The following FXYD6 variants were observed in gnomAD, a reference collection of about 807,000 sequenced individuals.
FXYD6 encodes FXYD domain-containing ion transport regulator 6.
Under a neutral mutation model 16.7 loss-of-function variants are expected in FXYD6, and 7 were observed. The observed-to-expected ratio is 0.42, with a 90% CI of 0.24 to 0.79. The LOEUF is 0.79. FXYD6 is among the 30% of genes least tolerant of loss of function. FXYD6 has a pLI of 0.28. For synonymous variants in FXYD6, 49 were observed against 43.0 expected (o/e 1.14, Z -0.54); for missense variants, 111 against 116.2 (o/e 0.95, Z 0.21).
At position 117,872,534 on chromosome 11, in the gene FXYD6, G is replaced by C. The variant is rs1167955912; in HGVS notation, c.-6+4058C>G. ...GAGGGAGTTTGAAACCTTAGCCTCT[G>C]GTCTCTCAGTGTGGGCCTGGCTTTG... On this transcript the variant is annotated intron_variant, in intron 1 of 7. Coordinates refer to ENST00000526014, the MANE Select transcript of FXYD6 (RefSeq NM_022003.4). The surrounding 1 kb of genome is among the most constrained non-coding windows in gnomAD (Gnocchi z 4.9). Among the ~76,000 whole-genome samples, 1 of 152,210 alleles carries C rather than the reference G, an allele frequency of 6.6e-6. No homozygotes were observed. Among genetic ancestry groups the C allele is most frequent in the South Asian group, 2.1e-4 (1 of 4,838 alleles).
At chr11:117,844,553 G>T (rs1459489926) in intron 1 of FXYD6, among the ~76,000 whole-genome samples, 1 of 152,042 alleles carries the variant, frequency 6.6e-6, no homozygotes, top group Non-Finnish European at 1.5e-5. Flanking sequence ...AGAATGCAAT[G>T]GTGCGATCTC....
rs111600899 is a variant in FXYD6 at position 117,872,686 on chromosome 11, G to C, written c.-6+3906C>G. ...CATGGCCCCAGCCTGGTCCGTGGGG[G>C]CCCAGCCCCTTTCCCAGGCTGTGTG... is the stretch of plus-strand genomic sequence containing the variant. On this transcript the variant is annotated intron_variant, in intron 1 of 7. Transcript: ENST00000526014. The surrounding 1 kb of genome is among the most constrained non-coding windows in gnomAD (Gnocchi z 4.9). Among the ~76,000 whole-genome samples the C allele has an allele frequency of 4.7e-3, 714 of 152,296 alleles. 7 individuals are homozygous for C. Among genetic ancestry groups the C allele is most frequent in the African/African-American group, 0.017 (687 of 41,568 alleles).
chr11:117,857,565 T>C (rs367558922), intron 1 of FXYD6, among the ~76,000 whole-genome samples: 19 of 152,150 alleles, frequency 1.2e-4, no homozygotes, highest in East Asian at 1.2e-3. Flanking sequence ...CGCGCCACCA[T>C]GCCCAGCTAA....
chr11:117,839,029 T>C (rs564515250), intron 7 of FXYD6: 2 of 153,284 alleles, frequency 1.3e-5, no homozygotes, highest in South Asian at 4.1e-4. Context: ...TTCCAGGGCA[T>C]GTCATAAAGC....
At chr11:117,858,031 T>C (rs546198706) in intron 1 of FXYD6, among the ~76,000 whole-genome samples, 147 of 152,314 alleles carry the variant, frequency 9.7e-4, no homozygotes, top group African/African-American at 3.3e-3. Context: ...AGCCTCATAA[T>C]GCTTTCAGAC....
intron 1 of FXYD6, among the ~76,000 whole-genome samples, chr11:117,852,555 A>G (rs1310001432): frequency 6.6e-6 from 1 of 151,640 alleles, no homozygotes; most frequent in African/African-American, 2.4e-5. Flanking sequence ...GCCTCCTTTT[A>G]TTTTCTTCTT....
At chr11:117,841,025 C>A (rs1379361569) in intron 5 of FXYD6, 123 bp downstream of exon 5, 17 of 1,290,142 alleles carry the variant, frequency 1.3e-5, no homozygotes, top group Non-Finnish European at 1.7e-5. Flanking sequence ...TACGTCCCAA[C>A]ACACACGTTC....
At position 117,858,801 on chromosome 11, in the gene FXYD6, G is replaced by C. The variant is rs192858900; in HGVS notation, c.-5-16020C>G. Among the ~76,000 whole-genome samples, 371 of 114,084 alleles carry C rather than the reference G, an allele frequency of 3.3e-3. 23 individuals carry two copies. Among genetic ancestry groups the C allele is most frequent in the African/African-American group, 0.012 (363 of 30,128 alleles). 74.8% of individuals were successfully genotyped at this position (114,084 alleles called of 152,430 possible). On this transcript the variant is annotated intron_variant, in intron 1 of 7. Transcript: ENST00000526014. The stretch of plus-strand genomic sequence containing the variant: ...CCTTCTTTCTTTTCTTTTTTAGACA[G>C]TCTCGCTCTGTCACCAGGCTGGAGT...
rs368527556 is a variant in FXYD6 at position 117,842,786 on chromosome 11, G to C, written c.-5-5C>G. On this transcript the variant is annotated splice_polypyrimidine_tract_variant and splice_region_variant and intron_variant, in intron 1 of 7. Coordinates refer to ENST00000526014, the MANE Select transcript of FXYD6 (RefSeq NM_022003.4). ...CCAGCACCAACTCCATGGCGTCTGG[G>C]GACAGAGGGAGGAAAAAATGATTCT... The C allele has an allele frequency of 1.2e-5, 18 of 1,558,970 alleles. No homozygotes were observed. Among genetic ancestry groups the C allele is most frequent in the Non-Finnish European group, 1.6e-5 (18 of 1,150,884 alleles).
In FXYD6 at chr11:117,839,808, C is replaced by T. The variant is rs776457375; in HGVS notation, c.282G>A (p.Glu94=). The part of the protein sequence containing the change: ...TANATEPQKA[E]N ...TCCACCTGATGGCTGCACTTCAGTT[C>T]TCTGCTTTCTGGGGCTCTGTTGCTG... is the stretch of plus-strand genomic sequence containing the variant. Residue 94 remains glutamate, a synonymous_variant, in exon 7 of 8, where the codon GAG becomes GAA. Transcript: ENST00000526014. The T allele has an allele frequency of 3.7e-6, 6 of 1,614,192 alleles. No homozygotes were observed. In the East Asian group the frequency reaches 1.1e-4, roughly 30 times the overall value.
intron 1 of FXYD6, among the ~76,000 whole-genome samples, chr11:117,868,319 C>T (rs1248238345): frequency 6.6e-6 from 1 of 152,156 alleles, no homozygotes; most frequent in Non-Finnish European, 1.5e-5. Context: ...CCAGTCCCAT[C>T]AACGTCAACA....
rs558336033 is a variant in FXYD6, at chr11:117,876,131, T to G, written c.-6+461A>C. Among the ~76,000 whole-genome samples, 95 of 151,966 alleles carry G rather than the reference T, an allele frequency of 6.3e-4. No homozygotes were observed. The Middle Eastern group carries it at 0.01, about 16-fold the overall frequency. On this transcript the variant is annotated intron_variant, in intron 1 of 7. Transcript: ENST00000526014. ...TTCCCCAAGCACCAAACCAGCAAGT[T>G]CCATTTTGTGTCGCTCATAAGTCCA...
At chr11:117,851,249 T>C in intron 1 of FXYD6, among the ~76,000 whole-genome samples, 1 of 151,796 alleles carries the variant, frequency 6.6e-6, no homozygotes, top group East Asian at 1.9e-4. Context: ...ACTTTCGATA[T>C]GAGGTTATAA....
upstream of FXYD6, chr11:117,877,144 A>G (rs1458761826): frequency 6.6e-6 from 1 of 152,326 alleles, no homozygotes; most frequent in Non-Finnish European, 1.5e-5. Context: ...ACCCAGCACC[A>G]GACACAGCAG....
At chr11:117,875,243 A>T (rs924225818) in intron 1 of FXYD6, among the ~76,000 whole-genome samples, 3 of 151,632 alleles carry the variant, frequency 2.0e-5, no homozygotes, top group African/African-American at 7.3e-5. Flanking sequence ...GTGTGGTGTG[A>T]GTGTGAGGGT....
In FXYD6 at chr11:117,842,830, T is replaced by C; in HGVS notation, c.-5-49A>G. 3.9e-6 allele frequency: 6 copies of C among 1,544,024 alleles called. No homozygotes were observed. The East Asian group carries it at 9.8e-5, about 25-fold the overall frequency. ...TGATTCTCTGGCTAAGAAGCCTCCA[T>C]CCGTCAGCTCCAAGCGTCAGCCTGA... On this transcript the variant is annotated intron_variant, in intron 1 of 7. Coordinates refer to ENST00000526014, the MANE Select transcript of FXYD6 (RefSeq NM_022003.4).
chr11:117,841,034 T>C lies in FXYD6; in HGVS notation c.209+114A>G, dbSNP rs940037873. ...CAGCCCTACGTCCCAACACACACGTTCTGCCTCCGAGACAAGAATCCAAGA... is the reference window on the plus strand; with the variant it reads ...CAGCCCTACGTCCCAACACACACGTCCTGCCTCCGAGACAAGAATCCAAGA... On this transcript the variant is annotated intron_variant, in intron 5 of 7. Coordinates refer to ENST00000526014, the MANE Select transcript of FXYD6 (RefSeq NM_022003.4). 2.9e-6 allele frequency: 4 copies of C among 1,381,030 alleles called. No homozygotes were observed. In the African/African-American group the frequency reaches 5.8e-5, roughly 20 times the overall value. 85.5% of individuals were successfully genotyped at this position (1,381,030 alleles called of 1,614,324 possible).
intron 1 of FXYD6, among the ~76,000 whole-genome samples, chr11:117,859,199 C>A (rs553463085): frequency 3.3e-5 from 5 of 152,356 alleles, no homozygotes; most frequent in Admixed American, 3.3e-4. Flanking sequence ...GCCAGTGTGT[C>A]CCGACCGCAG....
In FXYD6 at chr11:117,870,105, C is replaced by A. The variant is rs897009251; in HGVS notation, c.-6+6487G>T. Among the ~76,000 whole-genome samples the A allele has an allele frequency of 4.6e-5, 7 of 152,248 alleles. No homozygotes were observed. The highest frequency in any genetic ancestry group is 1.4e-4 in the African/African-American group (6 of 41,472). On this transcript the variant is annotated intron_variant, in intron 1 of 7. Transcript: ENST00000526014. This position sits in a 1 kb window ranked among gnomAD's most constrained non-coding sequence, Gnocchi z 4.2. ...CCAGCCATCACCCATGGACTTCTCACAACAGCCCTCAGAAGCAGAAACACA... is the reference window on the plus strand; with the variant it reads ...CCAGCCATCACCCATGGACTTCTCAAAACAGCCCTCAGAAGCAGAAACACA...
Sources: gnomAD v4.1 joint callset for allele counts (sites outside exome capture counted in the v4.1 genomes callset) on GRCh38, gnomAD v4.1.1 for gene constraint, Gnocchi (gnomAD v3.1) non-coding constraint, MANE v1.5 for transcripts, NCBI Gene and HGNC (gene_info 2026-07-23, HGNC 2026-07-21) for gene names.